CA4: variants seen among roughly 807,000 people sequenced by gnomAD.
CA4 encodes the protein carbonic anhydrase 4.
A neutral mutation model predicts 34.5 loss-of-function variants in CA4; 24 were observed. That is an observed-to-expected ratio of 0.70 (90% CI 0.50 to 0.98). CA4 has a LOEUF of 0.98. Among genes scored for constraint, CA4 ranks in the 50% least tolerant of loss-of-function variants. The pLI, the probability that CA4 is intolerant of heterozygous loss-of-function variation, is 0.00. For synonymous variants in CA4, 178 were observed against 170.6 expected (o/e 1.04, Z -0.34); for missense variants, 394 against 396.7 (o/e 0.99, Z 0.06).
At chr17:60,178,704 T>C in the CA4 span, among the ~76,000 whole-genome samples, 1 of 152,256 alleles carries the variant, frequency 6.6e-6, no homozygotes, top group Non-Finnish European at 1.5e-5. Flanking sequence ...AGAAAGGGTA[T>C]GGAAACAGTT....
In CA4 at chr17:60,158,382, C is replaced by T. The variant is rs766918079; in HGVS notation, c.680C>T (p.Pro227Leu). The T allele has an allele frequency of 5.1e-5, 82 of 1,614,050 alleles. No homozygotes were observed. The highest frequency in any genetic ancestry group is 1.6e-4 in the Middle Eastern group (1 of 6,084). Residue 227 changes from proline to leucine, a missense_variant, in exon 7 of 8, where the codon CCG becomes CTG. Pro to Leu is a moderately conservative substitution (Grantham distance 98). Transcript: ENST00000300900. ...CGCTACCTGGGCTCACTCACCACAC[C>T]GACCTGCGATGAGAAGGTCGTCTGG... ...YFRYLGSLTTPTCDEKVVWTV... is the reference protein window; with the variant it reads ...YFRYLGSLTTLTCDEKVVWTV...
At chr17:60,171,177 A>C (rs2083907948), downstream of CA4, among the ~76,000 whole-genome samples, 1 of 152,244 alleles carries the variant, frequency 6.6e-6, no homozygotes, top group African/African-American at 2.4e-5. Flanking sequence ...GCTCAGGACT[A>C]TCCTTTAAGC....
intron 3 of CA4, chr17:60,157,049 C>A (rs1194425653): frequency 3.9e-6 from 2 of 516,620 alleles, no homozygotes; most frequent in Non-Finnish European, 7.0e-6. Context: ...CAGGCAGAGC[C>A]CAAGCAAGGC....
At chr17:60,155,803 C>A (rs570995441) in intron 2 of CA4, among the ~76,000 whole-genome samples, 6 of 152,140 alleles carry the variant, frequency 3.9e-5, no homozygotes, top group Non-Finnish European at 5.9e-5. Flanking sequence ...TGGAATAAAT[C>A]GGTAGCAGCA....
At chr17:60,167,615 ATTGGGCAAAG>A (rs1249549192) in intron 5 of CA4, among the ~76,000 whole-genome samples, 1 of 152,244 alleles carries the variant, frequency 6.6e-6, no homozygotes, top group Non-Finnish European at 1.5e-5. Context: ...TACCTTGCCC[ATTGGGCAAAG>A]ATAAGCCTGG....
downstream of CA4, among the ~76,000 whole-genome samples, chr17:60,160,391 A>G (rs1429433015): frequency 6.6e-6 from 1 of 152,220 alleles, no homozygotes; most frequent in Non-Finnish European, 1.5e-5. Flanking sequence ...TTCACAGTCT[A>G]GTGGAGAGAC....
rs1405033213 is a variant in CA4, at chr17:60,159,390, T to A, written c.905T>A (p.Met302Lys). 2 of 1,612,362 alleles carry A rather than the reference T, an allele frequency of 1.2e-6. No homozygotes were observed. Among genetic ancestry groups the A allele is most frequent in the African/African-American group, 1.3e-5 (1 of 74,906 alleles). ...GCCCTGCCTGCCCTGCTGGGCCCCA[T>A]GCTGGCCTGCCTGCTGGCCGGCTTC... ...PWALPALLGPMLACLLAGFLR is the reference protein window; with the variant it reads ...PWALPALLGPKLACLLAGFLR Residue 302 changes from methionine (M) to lysine (K), a missense_variant, in exon 8 of 8, where the codon ATG (methionine) becomes AAG (lysine). By Grantham distance (95) the Met-to-Lys change is moderately conservative. Transcript: ENST00000300900.
Position 60,159,284 on chromosome 17 carries a change from A to T in CA4, c.799A>T (p.Lys267Ter). The T allele has an allele frequency of 6.2e-7, 1 of 1,610,400 alleles. No individual in the cohort carries two copies. The highest frequency in any genetic ancestry group is 1.1e-5 in the South Asian group (1 of 90,504). ...CGACAAGGAACAGACAGTGAGCATGAAGGACAATGTCAGGCCCCTGCAGCA... is the reference window on the plus strand; with the variant it reads ...CGACAAGGAACAGACAGTGAGCATGTAGGACAATGTCAGGCCCCTGCAGCA... ...YYDKEQTVSM[K>*]DNVRPLQQLG... The change falls in exon 8 of 8, where the codon AAG (lysine) becomes TAG (stop). Residue 267 changes from lysine (K) to a stop codon, truncating the protein, a stop_gained. Coordinates refer to ENST00000300900, the MANE Select transcript of CA4 (RefSeq NM_000717.5). LOFTEE classifies it low-confidence loss of function (END_TRUNC).
At chr17:60,175,668 CAAAA>C (rs150949660), downstream of CA4, among the ~76,000 whole-genome samples, 4 of 81,532 alleles carry the variant, frequency 4.9e-5, no homozygotes, top group African/African-American at 4.1e-5. Flanking sequence ...AACTCCGTCT[CAAAA>C]AAAAAAAAAA....
intron 3 of CA4, 173 bp downstream of exon 3, chr17:60,156,888 T>C: frequency 1.5e-6 from 1 of 674,382 alleles, no homozygotes; most frequent in South Asian, 1.6e-5. Flanking sequence ...TCTAGTATGT[T>C]TTCGTTACTT....
At chr17:60,162,178 C>T (rs1217815525), downstream of CA4, among the ~76,000 whole-genome samples, 1 of 152,164 alleles carries the variant, frequency 6.6e-6, no homozygotes, top group Non-Finnish European at 1.5e-5. Context: ...CAGGTGCTGC[C>T]AGCACTCAAC....
chr17:60,159,047 G>A, intron 7 of CA4, 183 bp from the exon 8 acceptor site: 1 of 650,048 alleles, frequency 1.5e-6, no homozygotes. Context: ...CTTCACCCAT[G>A]CCACGCACCT....
intron 1 of CA4, 120 bp from the exon 2 acceptor site, chr17:60,155,194 A>T: frequency 1.2e-6 from 1 of 851,426 alleles, no homozygotes; most frequent in Non-Finnish European, 2.0e-6. Context: ...TGCCAGGAAC[A>T]CTCCATCCCA....
intron 7 of CA4, chr17:60,158,820 C>A: frequency 2.4e-6 from 1 of 412,908 alleles, no homozygotes; most frequent in Admixed American, 3.8e-5. Flanking sequence ...AACATCATCA[C>A]TGGGGGAATT....
chr17:60,173,165 C>CAAA (rs985616950), downstream of CA4, among the ~76,000 whole-genome samples: 5 of 150,244 alleles, frequency 3.3e-5, no homozygotes, highest in South Asian at 6.2e-4. Flanking sequence ...AACAAACAAA[C>CAAA]AAAAAAACTA....
chr17:60,157,693 C>T lies in CA4; in HGVS notation c.418C>T (p.His140Tyr). 1 of 1,613,646 alleles carries T rather than the reference C, an allele frequency of 6.2e-7. No homozygotes were observed. The stretch of plus-strand genomic sequence containing the variant: ...TTCACCCCTCCACCCCGACCAGATG[C>T]ACATAGTACATGAGAAAGAGAAGGG... ...LDGEHFAMEMHIVHEKEKGTS... is the reference protein window; with the variant it reads ...LDGEHFAMEMYIVHEKEKGTS... Residue 140 changes from histidine (H) to tyrosine (Y), a missense_variant, in exon 5 of 8, where the codon CAC becomes TAC. Physicochemically the swap from His to Tyr is moderately conservative, Grantham distance 83 (BLOSUM62 2). Coordinates refer to ENST00000300900, the MANE Select transcript of CA4 (RefSeq NM_000717.5).
At chr17:60,168,326 G>A (rs899195434) in intron 5 of CA4, among the ~76,000 whole-genome samples, 3 of 90,718 alleles carry the variant, frequency 3.3e-5, no homozygotes, top group Admixed American at 2.1e-4. Flanking sequence ...TTATTTTTTG[G>A]GGGGGAGGTG....
downstream of CA4, among the ~76,000 whole-genome samples, chr17:60,163,078 A>G (rs543521518): frequency 3.4e-5 from 5 of 148,564 alleles, no homozygotes; most frequent in South Asian, 8.4e-4. Flanking sequence ...AAACTTCCCC[A>G]TCTTGGCTCT....
the CA4 span, among the ~76,000 whole-genome samples, chr17:60,176,230 C>CA: frequency 3.3e-5 from 5 of 151,738 alleles, no homozygotes; most frequent in African/African-American, 9.7e-5. Flanking sequence ...ACAAAACAAA[C>CA]AAAAAAAACC....
Sources: allele counts gnomAD v4.1 joint callset (sites outside exome capture counted in the v4.1 genomes callset), GRCh38; gene constraint gnomAD v4.1.1; transcripts MANE v1.5; gene names NCBI Gene and HGNC (gene_info 2026-07-23, HGNC 2026-07-21).